The following STAG2 variants were observed in gnomAD, a reference collection of about 807,000 sequenced individuals.
STAG2 encodes the protein cohesin subunit SA-2.
Under a neutral mutation model 108.1 loss-of-function variants are expected in STAG2, and 14 were observed. The observed-to-expected ratio is 0.13, with a 90% confidence interval of 0.09 to 0.20. The LOEUF is 0.20. STAG2 is among the 10% of genes least tolerant of loss of function. STAG2 has a pLI of 1.00. For missense variants in STAG2, 440 were observed against 940.9 expected (o/e 0.47, Z 6.96); for synonymous variants, 307 against 302.7 (o/e 1.01, Z -0.15).
intron 1 of STAG2, among the ~76,000 whole-genome samples, chrX:124,001,134 A>G (rs2056017317): frequency 9.0e-6 from 1 of 111,287 alleles, no homozygotes; most frequent in South Asian, 3.8e-4. Flanking sequence ...TTTGTCACCC[A>G]GGCTGGAGTG....
Position 123,997,362 on chromosome X carries a change from G to A in STAG2, c.-162-24005G>A, listed in dbSNP as rs1185263867. Among the ~76,000 whole-genome samples the A allele has an allele frequency of 3.6e-5, 4 of 111,454 alleles. No homozygotes were observed. The East Asian group carries it at 8.4e-4, about 23-fold the overall frequency. ...GAAGTGCACAGTTTAGTGGCATTAA[G>A]TACATTCACATTGTTTTGCAACTAT... is the stretch of plus-strand genomic sequence containing the variant. On this transcript the variant is annotated intron_variant, in intron 1 of 34. Transcript: ENST00000371145.
intron 1 of STAG2, among the ~76,000 whole-genome samples, chrX:123,977,982 A>T (rs2054703994): frequency 9.4e-6 from 1 of 106,902 alleles, no homozygotes; most frequent in South Asian, 4.2e-4. Context: ...AACTGGGACT[A>T]CAGGTGCATG....
chrX:124,028,747 G>C (rs960565602), intron 4 of STAG2, among the ~76,000 whole-genome samples: 2 of 103,246 alleles, frequency 1.9e-5, no homozygotes, highest in Non-Finnish European at 3.9e-5. Flanking sequence ...TCAGAGATCC[G>C]CAATCTGTGG....
chrX:124,013,664 T>C (rs2147934966), intron 1 of STAG2, among the ~76,000 whole-genome samples: 1 of 111,245 alleles, frequency 9.0e-6, no homozygotes, highest in Non-Finnish European at 1.9e-5. Flanking sequence ...CAGCAGCCAG[T>C]GCCAGTATGG....
At chrX:124,061,525 A>AT (rs1401243116) in intron 16 of STAG2, among the ~76,000 whole-genome samples, 184 bp downstream of exon 16, 1 of 110,936 alleles carries the variant, frequency 9.0e-6, no homozygotes, top group Non-Finnish European at 1.9e-5. Flanking sequence ...AACATTCTTT[A>AT]TTTTTTTGTA....
At chrX:124,046,143 T>A (rs187517402) in intron 8 of STAG2, among the ~76,000 whole-genome samples, 3 of 112,086 alleles carry the variant, frequency 2.7e-5, no homozygotes, top group Non-Finnish European at 5.6e-5. Flanking sequence ...GTTATGATAG[T>A]ATTCTGAATC....
chrX:124,042,508 G>A (rs2148156207), intron 6 of STAG2, 61 bp from the exon 7 acceptor site: 1 of 824,805 alleles, frequency 1.2e-6, no homozygotes, highest in East Asian at 3.2e-5. Context: ...AGACTTACTT[G>A]GAAGTTTTCT....
intron 1 of STAG2, among the ~76,000 whole-genome samples, chrX:123,974,665 G>C (rs1259769038): frequency 1.0e-5 from 1 of 100,495 alleles, no homozygotes; most frequent in African/African-American, 3.7e-5. Flanking sequence ...TGCAACCTCT[G>C]CCTCCTGGGT....
intron 15 of STAG2, among the ~76,000 whole-genome samples, chrX:124,059,309 T>A (rs767620837): frequency 6.2e-5 from 7 of 112,543 alleles, no homozygotes; most frequent in African/African-American, 1.9e-4. Context: ...AGAGCAAGAC[T>A]CTGTCTCAAG....
intron 1 of STAG2, among the ~76,000 whole-genome samples, chrX:123,985,052 A>G (rs898858522): frequency 2.7e-5 from 3 of 111,960 alleles, no homozygotes; most frequent in African/African-American, 9.7e-5. Context: ...AGCAGGAAAA[A>G]GTTTTGAGAT....
intron 16 of STAG2, 28 bp from the exon 17 acceptor site, chrX:124,061,743 C>CTTTTTTTTTTTGTTTTT: frequency 2.1e-6 from 1 of 478,286 alleles, no homozygotes; most frequent in Non-Finnish European, 3.0e-6. Flanking sequence ...CTCTTTCTGA[C>CTTTTTTTTTTTGTTTTT]TTTTTTTTTT....
chrX:124,021,930 C>T (rs1338601656), intron 2 of STAG2, among the ~76,000 whole-genome samples: 3 of 111,039 alleles, frequency 2.7e-5, no homozygotes, highest in Admixed American at 9.7e-5. Context: ...GAGTCATATC[C>T]TGTTTCTATT....
At chrX:124,095,316 A>C in intron 33 of STAG2, 56 bp from the exon 34 acceptor site, 1 of 953,046 alleles carries the variant, frequency 1.0e-6, no homozygotes, top group East Asian at 3.1e-5. Flanking sequence ...TTCAGTTACT[A>C]TCTGGTTTGT....
chrX:124,047,157 C>T (rs1204572760), intron 8 of STAG2, among the ~76,000 whole-genome samples, 197 bp from the exon 9 acceptor site: 2 of 111,189 alleles, frequency 1.8e-5, no homozygotes, highest in Non-Finnish European at 3.8e-5. Context: ...TTTGAGAGGG[C>T]CATTGTGAGG....
intron 24 of STAG2, 87 bp from the exon 25 acceptor site, chrX:124,071,062 C>T (rs2058652581): frequency 5.6e-6 from 4 of 717,334 alleles, no homozygotes; most frequent in Middle Eastern, 3.4e-4. Flanking sequence ...GATTCTGTTT[C>T]TGTGTTAAAT....
intron 27 of STAG2, among the ~76,000 whole-genome samples, chrX:124,080,035 G>T (rs1470470852): frequency 9.1e-6 from 1 of 110,184 alleles, no homozygotes; most frequent in African/African-American, 3.3e-5. Context: ...ACGGTATACA[G>T]CATGATGTTT....
In STAG2 at chrX:124,083,459, A is replaced by C. The variant is rs1158941950; in HGVS notation, c.2963A>C (p.Gln988Pro). The C allele has an allele frequency of 8.4e-7, 1 of 1,197,094 alleles. No individual in the cohort carries two copies. The highest frequency in any genetic ancestry group is 1.1e-6 in the Non-Finnish European group (1 of 887,892). ...TTTGCTTTTAAAGAGCCTAATCCGC[A>C]AGGGGAGAGCCATCCACCTTTAAAT... Reference protein sequence around the residue: ...IEFAFKEPNPQGESHPPLNLA... With the variant: ...IEFAFKEPNPPGESHPPLNLA... Residue 988 changes from glutamine to proline, a missense_variant, in exon 29 of 35, where the codon CAA (glutamine) becomes CCA (proline). Physicochemically the swap from Gln to Pro is moderately conservative, Grantham distance 76. Around this residue, in one of 3 missense-constraint regions of STAG2, gnomAD observed 337 missense variants for 649.3 expected, o/e 0.52. Transcript: ENST00000371145.
intron 1 of STAG2, among the ~76,000 whole-genome samples, chrX:123,964,005 T>G (rs1408050507): frequency 1.8e-5 from 2 of 111,413 alleles, no homozygotes; most frequent in African/African-American, 6.5e-5. Context: ...GAAGCAGAAG[T>G]GGCCTTGAGT....
intron 13 of STAG2, among the ~76,000 whole-genome samples, chrX:124,053,113 A>C (rs2058091913): frequency 8.9e-6 from 1 of 112,167 alleles, no homozygotes; most frequent in Admixed American, 9.5e-5. Context: ...TACCACACCC[A>C]GCCAAGATTT....
Sources: allele counts gnomAD v4.1 joint callset (sites outside exome capture counted in the v4.1 genomes callset), GRCh38; gene constraint gnomAD v4.1.1; regional missense constraint gnomAD v4.1.1; transcripts MANE v1.5; gene names NCBI Gene and HGNC (gene_info 2026-07-23, HGNC 2026-07-21).